The following ABCD3 variants were observed in gnomAD, a reference collection of about 807,000 sequenced individuals.
ABCD3 encodes the protein ATP binding cassette subfamily D member 3.
Under a neutral mutation model 105.5 loss-of-function variants are expected in ABCD3, and 41 were observed. The observed-to-expected ratio is 0.39, with a 90% CI of 0.30 to 0.50. ABCD3 has a LOEUF of 0.50. Among genes scored for constraint, ABCD3 ranks in the 20% least tolerant of loss-of-function variants. ABCD3 has a pLI of 0.84. For missense variants in ABCD3, 622 were observed against 806.3 expected (o/e 0.77, Z 2.77); for synonymous variants, 258 against 269.0 (o/e 0.96, Z 0.40).
At chr1:94,490,716 T>C (rs1570811567) in intron 15 of ABCD3, among the ~76,000 whole-genome samples, 1 of 152,250 alleles carries the variant, frequency 6.6e-6, no homozygotes, top group Non-Finnish European at 1.5e-5. Context: ...TTGTAAATAA[T>C]GCTGGAGTGA....
chr1:94,429,274 T>C (rs1659584453), intron 1 of ABCD3, among the ~76,000 whole-genome samples: 1 of 152,124 alleles, frequency 6.6e-6, no homozygotes, highest in African/African-American at 2.4e-5. Flanking sequence ...AAGCAGAGCA[T>C]ATAAGTTCAG....
At chr1:94,444,099 T>A (rs1660244086) in intron 1 of ABCD3, among the ~76,000 whole-genome samples, 1 of 152,010 alleles carries the variant, frequency 6.6e-6, no homozygotes, top group African/African-American at 2.4e-5. Flanking sequence ...TTTGGGATGT[T>A]GAGGCAGGCA....
chr1:94,506,522 T>G lies in ABCD3; in HGVS notation c.1741-16T>G. 1 of 1,590,258 alleles carries G rather than the reference T, an allele frequency of 6.3e-7. No individual in the cohort carries two copies. The highest frequency in any genetic ancestry group is 1.1e-5 in the South Asian group (1 of 90,616). Reference sequence around the variant, plus strand: ...TCTGCCTGTGTTTTACACAAAAAATTTTTTTTATGCTTCAGATGGCAAGAT... The same window carrying G: ...TCTGCCTGTGTTTTACACAAAAAATGTTTTTTATGCTTCAGATGGCAAGAT... On this transcript the variant is annotated splice_polypyrimidine_tract_variant and intron_variant, in intron 20 of 22. Coordinates refer to ENST00000370214, the MANE Select transcript of ABCD3 (RefSeq NM_002858.4).
chr1:94,478,388 A>T, intron 8 of ABCD3, 73 bp downstream of exon 8: 1 of 1,259,380 alleles, frequency 7.9e-7, no homozygotes, highest in South Asian at 1.3e-5. Context: ...GAATAGCTTG[A>T]TGGCCTGTAA....
chr1:94,499,459 T>A (rs1264358763), intron 19 of ABCD3, 36 bp from the exon 20 acceptor site: 1 of 1,601,226 alleles, frequency 6.2e-7, no homozygotes, highest in African/African-American at 1.3e-5. Flanking sequence ...TGGCTTATAT[T>A]AAGTTTAATT....
intron 19 of ABCD3, among the ~76,000 whole-genome samples, 156 bp from the exon 20 acceptor site, chr1:94,499,339 G>T (rs575516211): frequency 6.6e-6 from 1 of 151,952 alleles, no homozygotes; most frequent in East Asian, 1.9e-4. Flanking sequence ...GAGCTGAAAG[G>T]TTCAGGGCTA....
chr1:94,464,927 T>C (rs1217585659), intron 3 of ABCD3, 54 bp downstream of exon 3: 7 of 1,381,052 alleles, frequency 5.1e-6, no homozygotes, highest in Non-Finnish European at 5.2e-6. Flanking sequence ...TTTAATAAAA[T>C]ACCTGAGGCT....
At chr1:94,419,471 T>G (rs529575933) in intron 1 of ABCD3, 4 of 456,432 alleles carry the variant, frequency 8.8e-6, no homozygotes, top group Non-Finnish European at 1.2e-5. Flanking sequence ...GGTATGTATG[T>G]CACATACATG....
chr1:94,515,590 G>A (rs1650879345), intron 22 of ABCD3, among the ~76,000 whole-genome samples: 3 of 152,082 alleles, frequency 2.0e-5, no homozygotes, highest in African/African-American at 7.2e-5. Flanking sequence ...CAAGGGGGAA[G>A]ATTGAATAAC....
intron 20 of ABCD3, among the ~76,000 whole-genome samples, chr1:94,505,174 A>G (rs1267323707): frequency 1.3e-5 from 2 of 152,100 alleles, no homozygotes; most frequent in African/African-American, 4.8e-5. Context: ...AGGAATTTTT[A>G]TTTTTAATTT....
intron 21 of ABCD3, among the ~76,000 whole-genome samples, chr1:94,511,224 A>C (rs1288243816): frequency 2.0e-5 from 3 of 151,766 alleles, no homozygotes; most frequent in Non-Finnish European, 4.4e-5. Context: ...TTGTCTGTAA[A>C]GTATTTTATT....
At chr1:94,386,438 T>G in the ABCD3 span, among the ~76,000 whole-genome samples, 1 of 152,258 alleles carries the variant, frequency 6.6e-6, no homozygotes, top group South Asian at 2.1e-4. Context: ...TATTACACAT[T>G]ATTAGTACCG....
At chr1:94,481,559 T>C (rs1649027566) in intron 9 of ABCD3, 1 of 152,280 alleles carries the variant, frequency 6.6e-6, no homozygotes, top group African/African-American at 2.4e-5. Flanking sequence ...GTTCCAGGTA[T>C]GGCATTATCA....
intron 1 of ABCD3, among the ~76,000 whole-genome samples, chr1:94,429,245 G>A (rs1407489930): frequency 6.6e-6 from 1 of 152,168 alleles, no homozygotes; most frequent in Non-Finnish European, 1.5e-5. Context: ...GCTGTTAAAG[G>A]CATTCAGTTT....
At chr1:94,515,275 T>G in intron 22 of ABCD3, 73 bp downstream of exon 22, 1 of 1,264,176 alleles carries the variant, frequency 7.9e-7, no homozygotes, top group Non-Finnish European at 1.1e-6. Context: ...GTTAATATGG[T>G]TTTAGATTTT....
At chr1:94,487,859 A>G (rs112170068) in intron 12 of ABCD3, 33 bp from the exon 13 acceptor site, 12 of 1,607,182 alleles carry the variant, frequency 7.5e-6, no homozygotes, top group African/African-American at 5.4e-5. Context: ...TCATAGAACT[A>G]TAAGTAAAAA....
At chr1:94,458,393 A>G (rs1381055700) in intron 1 of ABCD3, among the ~76,000 whole-genome samples, 1 of 152,228 alleles carries the variant, frequency 6.6e-6, no homozygotes, top group African/African-American at 2.4e-5. Context: ...TCTGTTACAT[A>G]ATAGTGGTAG....
At chr1:94,390,111 T>G in the ABCD3 span, among the ~76,000 whole-genome samples, 7 of 152,158 alleles carry the variant, frequency 4.6e-5, no homozygotes, top group Non-Finnish European at 8.8e-5. Context: ...GCATTCCAAG[T>G]GCCAAAGGCA....
In ABCD3 at chr1:94,493,957, T is replaced by TGAAG. The variant is rs1302029929; in HGVS notation, c.1386+2711_1386+2712insAAGG. The stretch of plus-strand genomic sequence containing the variant: ...TGGGGACTGTTGTGGGGTGGGGTCC[T>TGAAG]GGGGGAGGGATAGCATTAGGAGATA... On this transcript the variant is annotated intron_variant, in intron 16 of 22. Transcript: ENST00000370214. Among the ~76,000 whole-genome samples the TGAAG allele has an allele frequency of 1.1e-4, 16 of 151,454 alleles. No homozygotes were observed. The South Asian group carries it at 3.2e-3, about 30-fold the overall frequency.
Sources: gnomAD v4.1 joint callset for allele counts (sites outside exome capture counted in the v4.1 genomes callset) on GRCh38, gnomAD v4.1.1 for gene constraint, MANE v1.5 for transcripts, NCBI Gene and HGNC (gene_info 2026-07-23, HGNC 2026-07-21) for gene names.